Variants in AFG2A observed in about 807,000 individuals in gnomAD.
The protein encoded by AFG2A is AAA ATPase AFG2A.
At chr4:123,014,545 G>C in the AFG2A span, among the ~76,000 whole-genome samples, 1 of 151,946 alleles carries the variant, frequency 6.6e-6, no homozygotes, top group Non-Finnish European at 1.5e-5. Context: ...ATATTTATAA[G>C]GTTTGACTTC....
chr4:123,181,139 C>T, the AFG2A span, among the ~76,000 whole-genome samples: 1 of 152,020 alleles, frequency 6.6e-6, no homozygotes, highest in Non-Finnish European at 1.5e-5. Context: ...CACCCGCCAC[C>T]GCGCCTGGCT....
chr4:122,951,454 A>ACACACACACACG, the AFG2A span, among the ~76,000 whole-genome samples: 1 of 151,436 alleles, frequency 6.6e-6, no homozygotes, highest in Admixed American at 6.6e-5. Flanking sequence ...ACACACACAC[A>ACACACACACACG]CACACGCACG....
At chr4:123,287,552 A>T in the AFG2A span, among the ~76,000 whole-genome samples, 3 of 152,238 alleles carry the variant, frequency 2.0e-5, no homozygotes, top group Non-Finnish European at 4.4e-5. Context: ...ATTAGTTAAC[A>T]TTAAGTCAGA....
At chr4:123,308,614 C>T in the AFG2A span, among the ~76,000 whole-genome samples, 1 of 152,180 alleles carries the variant, frequency 6.6e-6, no homozygotes, top group African/African-American at 2.4e-5. Context: ...CATCCTGAAA[C>T]CACCCGCACT....
the AFG2A span, among the ~76,000 whole-genome samples, chr4:123,120,183 C>T: frequency 1.3e-5 from 2 of 152,028 alleles, no homozygotes; most frequent in East Asian, 3.8e-4. Context: ...GTCAAGAGAA[C>T]GTGTTTGGAA....
chr4:122,935,717 T>C, the AFG2A span: 4 of 1,576,858 alleles, frequency 2.5e-6, no homozygotes, highest in Non-Finnish European at 3.4e-6. Flanking sequence ...CTTCCAGGAA[T>C]TCCTGCCCCT....
At chr4:122,944,542 T>G in the AFG2A span, among the ~76,000 whole-genome samples, 1 of 152,172 alleles carries the variant, frequency 6.6e-6, no homozygotes, top group African/African-American at 2.4e-5. Flanking sequence ...TTCGCCTAAA[T>G]TTTTTTCAAA....
chr4:123,288,710 C>T, the AFG2A span, among the ~76,000 whole-genome samples: 7 of 152,276 alleles, frequency 4.6e-5, 1 homozygote, highest in Admixed American at 3.3e-4. Context: ...CCAAGATGGA[C>T]AGTTCTAATT....
chr4:123,084,351 T>C, the AFG2A span, among the ~76,000 whole-genome samples: 16 of 151,962 alleles, frequency 1.1e-4, no homozygotes, highest in African/African-American at 3.9e-4. Context: ...TCTGCTTACT[T>C]TAGCTTGCTC....
chr4:122,929,026 C>T, the AFG2A span: 20 of 1,609,048 alleles, frequency 1.2e-5, no homozygotes, highest in African/African-American at 1.3e-5. Context: ...ATTTTTATTT[C>T]CTCTGTCTGG....
At chr4:123,296,405 T>C in the AFG2A span, among the ~76,000 whole-genome samples, 1 of 152,228 alleles carries the variant, frequency 6.6e-6, no homozygotes, top group Non-Finnish European at 1.5e-5. Context: ...CTAAATGTAA[T>C]GTGTCACACC....
the AFG2A span, among the ~76,000 whole-genome samples, chr4:122,957,994 TAAAGG>T: frequency 4.6e-5 from 7 of 152,216 alleles, no homozygotes; most frequent in Non-Finnish European, 1.0e-4. Context: ...ACACCCTTGA[TAAAGG>T]AATAGTGTTT....
At chr4:123,010,038 G>C in the AFG2A span, among the ~76,000 whole-genome samples, 1 of 152,104 alleles carries the variant, frequency 6.6e-6, no homozygotes, top group South Asian at 2.1e-4. Context: ...CCAGAAGGGA[G>C]AACAGTAATT....
chr4:123,001,191 C>G, the AFG2A span, among the ~76,000 whole-genome samples: 1 of 150,856 alleles, frequency 6.6e-6, no homozygotes, highest in South Asian at 2.1e-4. Flanking sequence ...TGATTCTTCT[C>G]TCTTTTTTTC....
chr4:123,082,523 CTTT>C, the AFG2A span, among the ~76,000 whole-genome samples: 6 of 141,306 alleles, frequency 4.2e-5, no homozygotes, highest in South Asian at 4.3e-4. Context: ...TCTCTTTTTT[CTTT>C]TTTTTTTTTT....
chr4:123,151,079 GA>G, the AFG2A span, among the ~76,000 whole-genome samples: 3 of 152,266 alleles, frequency 2.0e-5, no homozygotes, highest in South Asian at 6.2e-4. Flanking sequence ...CAGAAAAAAT[GA>G]AACTGGACTC....
the AFG2A span, among the ~76,000 whole-genome samples, chr4:123,237,920 A>C: frequency 6.6e-6 from 1 of 152,136 alleles, no homozygotes; most frequent in Non-Finnish European, 1.5e-5. Context: ...TCCCTCTCCT[A>C]GCCAAGGGAA....
chr4:123,135,196 C>T, the AFG2A span, among the ~76,000 whole-genome samples: 1 of 148,704 alleles, frequency 6.7e-6, no homozygotes. Flanking sequence ...AAGCCTTTAA[C>T]AACATTCAGC....
chr4:123,303,086 C>T, the AFG2A span, among the ~76,000 whole-genome samples: 1 of 152,168 alleles, frequency 6.6e-6, no homozygotes, highest in Non-Finnish European at 1.5e-5. Context: ...CATTCCCTTA[C>T]CAACTGGTAT....
Sources: allele counts gnomAD v4.1 joint callset (sites outside exome capture counted in the v4.1 genomes callset), GRCh38; gene constraint gnomAD v4.1.1; transcripts MANE v1.5; gene names NCBI Gene and HGNC (gene_info 2026-07-23, HGNC 2026-07-21).